Variants in GLIS3 observed in about 807,000 individuals in gnomAD.
GLIS3 encodes the protein zinc finger protein GLIS3.
In GLIS3, 53 loss-of-function variants were observed where a neutral mutation model predicts 78.6. The observed-to-expected ratio is 0.67, with a 90% CI of 0.54 to 0.85. The LOEUF is 0.85. GLIS3 is among the 40% of genes least tolerant of loss of function. The probability of loss-of-function intolerance (pLI) is 0.00; values close to 1 mark genes in which losing one functional copy is unlikely to be tolerated. For synonymous variants in GLIS3, 684 were observed against 509.9 expected (o/e 1.34, Z -4.60); for missense variants, 1,703 against 1,231.1 (o/e 1.38, Z -5.74).
chr9:3,883,147 T>C (rs868097150), intron 7 of GLIS3, among the ~76,000 whole-genome samples: 10 of 152,334 alleles, frequency 6.6e-5, no homozygotes, highest in South Asian at 4.1e-4. Context: ...AGAATTGTCC[T>C]TGGTCTCTGC....
the GLIS3 span, among the ~76,000 whole-genome samples, chr9:4,479,335 A>G: frequency 6.6e-6 from 1 of 152,184 alleles, no homozygotes; most frequent in African/African-American, 2.4e-5. Flanking sequence ...TGTCCAGAGC[A>G]TTGTCCTTCA....
chr9:4,103,172 C>A (rs990374089), intron 4 of GLIS3, among the ~76,000 whole-genome samples: 19 of 152,106 alleles, frequency 1.2e-4, no homozygotes, highest in African/African-American at 4.6e-4. Context: ...ACATAGTACA[C>A]AAAAGGTTTT....
At position 4,225,164 on chromosome 9, in the gene GLIS3, G is replaced by T. The variant is rs1274018254; in HGVS notation, c.388+60874C>A. On this transcript the variant is annotated intron_variant, in intron 2 of 10. Coordinates refer to ENST00000381971, the MANE Select transcript of GLIS3 (RefSeq NM_001042413.2). ...GAGCTTGCCTATATATACAAAGTTG[G>T]TAAGTTAATAAGATGAGACCAGTTT... Among the ~76,000 whole-genome samples the T allele has an allele frequency of 2.6e-5, 4 of 151,914 alleles. No individual in the cohort carries two copies. The East Asian group carries it at 5.8e-4, about 22-fold the overall frequency.
chr9:4,265,454 AT>A (rs1825909159), intron 2 of GLIS3, among the ~76,000 whole-genome samples: 1 of 145,478 alleles, frequency 6.9e-6, no homozygotes, highest in Non-Finnish European at 1.5e-5. Context: ...CAGAACTGGG[AT>A]TCAATCTCAC....
At chr9:4,467,989 C>G in the GLIS3 span, among the ~76,000 whole-genome samples, 1 of 152,118 alleles carries the variant, frequency 6.6e-6, no homozygotes, top group Admixed American at 6.5e-5. Flanking sequence ...CTACGTGACA[C>G]AGGCACAAGG....
chr9:4,076,841 G>C (rs1485893224), intron 4 of GLIS3, among the ~76,000 whole-genome samples: 1 of 152,158 alleles, frequency 6.6e-6, no homozygotes, highest in Non-Finnish European at 1.5e-5. Flanking sequence ...GGAATGGCTT[G>C]AACCCAGGAG....
the GLIS3 span, among the ~76,000 whole-genome samples, chr9:4,367,298 C>G: frequency 6.6e-6 from 1 of 152,158 alleles, no homozygotes; most frequent in East Asian, 1.9e-4. Context: ...CACTTGATTG[C>G]TGCCCCTGTT....
At chr9:3,894,260 T>C (rs1009950470) in intron 7 of GLIS3, among the ~76,000 whole-genome samples, 2 of 152,246 alleles carry the variant, frequency 1.3e-5, no homozygotes, top group Non-Finnish European at 2.9e-5. Context: ...TTCATATAGT[T>C]ACGTTGTTTA....
chr9:4,299,312 T>C (rs1016029986), intron 1 of GLIS3, 109 bp downstream of exon 1: 6 of 152,322 alleles, frequency 3.9e-5, no homozygotes, highest in Admixed American at 3.9e-4. Flanking sequence ...TAGAAAACTA[T>C]TTGTAATCCC....
chr9:4,145,563 T>C (rs184155606), intron 2 of GLIS3, among the ~76,000 whole-genome samples: 5 of 152,160 alleles, frequency 3.3e-5, no homozygotes, highest in Non-Finnish European at 2.9e-5. Context: ...ATGAATCTAA[T>C]AACATTCAAA....
chr9:4,298,557 G>C (rs1816812644), intron 1 of GLIS3: 1 of 325,526 alleles, frequency 3.1e-6, no homozygotes, highest in Non-Finnish European at 6.2e-6. Context: ...GCTTTCCAGA[G>C]AGCGACCCGG....
intron 4 of GLIS3, among the ~76,000 whole-genome samples, chr9:4,038,661 A>C (rs1824536036): frequency 2.0e-5 from 3 of 152,232 alleles, no homozygotes; most frequent in African/African-American, 7.2e-5. Context: ...GCATGTTATA[A>C]AAGATGATGA....
At chr9:4,282,159 A>C (rs760732571) in intron 2 of GLIS3, among the ~76,000 whole-genome samples, 4 of 152,154 alleles carry the variant, frequency 2.6e-5, no homozygotes, top group African/African-American at 7.2e-5. Context: ...ACGCTTCCCT[A>C]AGAGTTGCTA....
intron 4 of GLIS3, among the ~76,000 whole-genome samples, chr9:4,050,973 T>A (rs537216190): frequency 6.6e-6 from 1 of 152,190 alleles, no homozygotes; most frequent in Admixed American, 6.5e-5. Flanking sequence ...TTATTTTTCC[T>A]CCTGTTGGAG....
the GLIS3 span, among the ~76,000 whole-genome samples, chr9:4,376,772 G>T: frequency 3.0e-5 from 4 of 135,568 alleles, 1 homozygote; most frequent in African/African-American, 7.8e-5. Flanking sequence ...GTTTTAATGA[G>T]AATACTCAAT....
At chr9:4,160,421 A>G (rs759051996) in intron 2 of GLIS3, among the ~76,000 whole-genome samples, 1 of 152,222 alleles carries the variant, frequency 6.6e-6, no homozygotes, top group Non-Finnish European at 1.5e-5. Context: ...ATGCCAGGAA[A>G]ATGCCTTATT....
chr9:4,425,785 G>A, the GLIS3 span, among the ~76,000 whole-genome samples: 1 of 152,164 alleles, frequency 6.6e-6, no homozygotes, highest in African/African-American at 2.4e-5. Context: ...CCAGGGCAAA[G>A]GTGAACACCA....
Position 3,828,364 on chromosome 9 carries a change from G to A in GLIS3, c.2701C>T (p.Leu901Phe). 6.2e-7 allele frequency: 1 copy of A among 1,613,878 alleles called. No individual in the cohort carries two copies. Among genetic ancestry groups the A allele is most frequent in the Admixed American group, 1.7e-5 (1 of 60,034 alleles). The stretch of plus-strand genomic sequence containing the variant: ...GTAGCATCTTCAGCCCCGCTGCGGA[G>A]AGACTCCCCAAAGAGGCTCGAGGAA... ...SSSSSLFGES[L>F]RSGAEDATFL... The change falls in exon 11 of 11, where the codon CTC becomes TTC. Residue 901 changes from leucine (L) to phenylalanine (F), a missense_variant. Transcript: ENST00000381971.
chr9:3,960,987 T>C lies in GLIS3; in HGVS notation c.1711-23798A>G, dbSNP rs529579207. Among the ~76,000 whole-genome samples, 13 of 152,330 alleles carry C rather than the reference T, an allele frequency of 8.5e-5. No individual in the cohort carries two copies. The South Asian group carries it at 2.3e-3, about 27-fold the overall frequency. ...GGTGTAATTGGCCTGCCATAAAGAA[T>C]TGGGGAATTTTAACACATTCCCCAT... On this transcript the variant is annotated intron_variant, in intron 4 of 10. Coordinates refer to ENST00000381971, the MANE Select transcript of GLIS3 (RefSeq NM_001042413.2).
Sources: gnomAD v4.1 joint callset for allele counts (sites outside exome capture counted in the v4.1 genomes callset) on GRCh38, gnomAD v4.1.1 for gene constraint, MANE v1.5 for transcripts, NCBI Gene and HGNC (gene_info 2026-07-23, HGNC 2026-07-21) for gene names.